Variants in PRKN observed in about 807,000 individuals in gnomAD.
PRKN encodes the protein E3 ubiquitin-protein ligase parkin.
A neutral mutation model predicts 59.5 loss-of-function variants in PRKN; 56 were observed. The ratio of observed to expected loss-of-function variants is 0.94; its 90% CI spans 0.76 to 1.18. The LOEUF is 1.18. Ranked by LOEUF, PRKN falls within the 50% of genes most tolerant of loss-of-function variation. The probability of loss-of-function intolerance (pLI) is 0.00; values close to 1 mark genes in which losing one functional copy is unlikely to be tolerated. For missense variants in PRKN, 657 were observed against 596.4 expected, an observed-to-expected ratio of 1.10 and a Z score of -1.06; for synonymous variants, 250 against 222.1, an observed-to-expected ratio of 1.13 and a Z score of -1.12.
intron 2 of PRKN, among the ~76,000 whole-genome samples, chr6:162,412,749 G>GA (rs1788412003): frequency 3.3e-5 from 5 of 152,024 alleles, no homozygotes; most frequent in Middle Eastern, 3.4e-3. Context: ...TCACCAACAA[G>GA]AAAAAAATTG....
chr6:162,632,047 C>T (rs1783130195), intron 1 of PRKN, among the ~76,000 whole-genome samples: 1 of 151,064 alleles, frequency 6.6e-6, no homozygotes, highest in Admixed American at 6.6e-5. Flanking sequence ...TACACTTACA[C>T]ACTGTTGGTG....
chr6:162,004,968 C>T (rs994319737), intron 5 of PRKN, among the ~76,000 whole-genome samples: 1 of 152,182 alleles, frequency 6.6e-6, no homozygotes, highest in African/African-American at 2.4e-5. Flanking sequence ...ATACATTTTT[C>T]TTTCCATAGG....
intron 7 of PRKN, among the ~76,000 whole-genome samples, chr6:161,701,259 T>G (rs940890779): frequency 6.6e-6 from 1 of 152,216 alleles, no homozygotes; most frequent in Non-Finnish European, 1.5e-5. Context: ...AGAGATGATA[T>G]GCCTTTCAAT....
intron 6 of PRKN, among the ~76,000 whole-genome samples, chr6:161,943,681 G>A (rs1470439518): frequency 6.6e-6 from 1 of 150,478 alleles, no homozygotes; most frequent in Non-Finnish European, 1.5e-5. Flanking sequence ...TGAGGCATCA[G>A]CCTGAGGAAA....
chr6:162,202,686 C>A (rs9355388), intron 3 of PRKN, among the ~76,000 whole-genome samples: 141,384 of 152,292 alleles, frequency 0.93, 65,637 homozygotes, highest in East Asian at 0.99. Context: ...ATGTAATATA[C>A]ATGCAGCATA....
intron 1 of PRKN, among the ~76,000 whole-genome samples, chr6:162,469,531 T>C (rs796755250): frequency 1.8e-3 from 246 of 138,530 alleles, no homozygotes; most frequent in Middle Eastern, 7.8e-3. Context: ...CACACACACA[T>C]ACACATACTA....
At chr6:161,836,739 G>A (rs556409756) in intron 6 of PRKN, among the ~76,000 whole-genome samples, 7 of 152,082 alleles carry the variant, frequency 4.6e-5, no homozygotes, top group Non-Finnish European at 4.4e-5. Flanking sequence ...GAAGCCCCTC[G>A]TCCACCCTGG....
At chr6:161,941,977 A>C (rs1288978532) in intron 6 of PRKN, among the ~76,000 whole-genome samples, 1 of 152,212 alleles carries the variant, frequency 6.6e-6, no homozygotes, top group Non-Finnish European at 1.5e-5. Flanking sequence ...TTTCAGTTAA[A>C]ACTTTTTGCT....
intron 1 of PRKN, among the ~76,000 whole-genome samples, chr6:162,549,740 G>T (rs1048050302): frequency 6.6e-6 from 1 of 151,064 alleles, no homozygotes; most frequent in Non-Finnish European, 1.5e-5. Context: ...CTGAGTTCAA[G>T]TGATTCTCCT....
chr6:161,439,766 G>A (rs1021634458), intron 9 of PRKN, among the ~76,000 whole-genome samples: 1 of 152,016 alleles, frequency 6.6e-6, no homozygotes, highest in Non-Finnish European at 1.5e-5. Context: ...GAAAACAGAT[G>A]ATAAGAGATT....
chr6:161,382,944 C>A (rs1228818860), intron 10 of PRKN, among the ~76,000 whole-genome samples: 1 of 152,068 alleles, frequency 6.6e-6, no homozygotes, highest in Non-Finnish European at 1.5e-5. Context: ...ACAGCAGAAA[C>A]GAGTCACAAA....
chr6:161,910,794 C>A (rs1304545968), intron 6 of PRKN, among the ~76,000 whole-genome samples: 1 of 152,168 alleles, frequency 6.6e-6, no homozygotes, highest in Admixed American at 6.5e-5. Context: ...GCAGTCAACA[C>A]CCTGCCTGAT....
At chr6:161,653,773 C>T (rs1174939390) in intron 7 of PRKN, among the ~76,000 whole-genome samples, 4 of 152,092 alleles carry the variant, frequency 2.6e-5, no homozygotes, top group Admixed American at 1.3e-4. Flanking sequence ...TAGGAGAGCA[C>T]ATTTAAGGGT....
At chr6:162,425,056 T>C (rs895028808) in intron 2 of PRKN, among the ~76,000 whole-genome samples, 2 of 130,440 alleles carry the variant, frequency 1.5e-5, no homozygotes, top group African/African-American at 5.5e-5. Context: ...CGTTAAAGGA[T>C]TGACTAGAAA....
intron 6 of PRKN, among the ~76,000 whole-genome samples, chr6:161,825,599 T>C (rs1055856908): frequency 1.3e-5 from 2 of 152,202 alleles, no homozygotes; most frequent in Non-Finnish European, 2.9e-5. Context: ...CTTTTCAGCA[T>C]GGAGCTTCCG....
At chr6:162,442,232 G>A (rs1391942961) in intron 2 of PRKN, among the ~76,000 whole-genome samples, 1 of 152,170 alleles carries the variant, frequency 6.6e-6, no homozygotes, top group African/African-American at 2.4e-5. Context: ...TTACCCACAA[G>A]AGACAGGGAA....
At chr6:162,654,876 G>A (rs1248418738) in intron 1 of PRKN, among the ~76,000 whole-genome samples, 2 of 151,948 alleles carry the variant, frequency 1.3e-5, no homozygotes, top group East Asian at 3.9e-4. Flanking sequence ...AAAACCATAA[G>A]GATTATGGGA....
intron 4 of PRKN, among the ~76,000 whole-genome samples, chr6:162,062,996 T>G (rs1778163509): frequency 6.6e-6 from 1 of 152,200 alleles, no homozygotes; most frequent in Non-Finnish European, 1.5e-5. Context: ...CTTGAAAAAC[T>G]GAATATAAAT....
intron 1 of PRKN, among the ~76,000 whole-genome samples, chr6:162,682,899 T>A (rs961117350): frequency 6.6e-6 from 1 of 152,096 alleles, no homozygotes; most frequent in African/African-American, 2.4e-5. Context: ...CAAAATGAAA[T>A]TTTCAGATAC....
Sources: allele counts gnomAD v4.1 joint callset (sites outside exome capture counted in the v4.1 genomes callset), GRCh38; gene constraint gnomAD v4.1.1; transcripts MANE v1.5; gene names NCBI Gene and HGNC (gene_info 2026-07-23, HGNC 2026-07-21).